The following LHFPL3 variants were observed in gnomAD, a reference collection of about 807,000 sequenced individuals.
LHFPL3 encodes LHFPL tetraspan subfamily member 3.
Under a neutral mutation model 19.3 loss-of-function variants are expected in LHFPL3, and 5 were observed. The ratio of observed to expected loss-of-function variants is 0.26; its 90% CI spans 0.14 to 0.54. The LOEUF (loss-of-function observed/expected upper bound fraction) is 0.54, where lower values mean the gene tolerates loss of function less well. Ranked by LOEUF, LHFPL3 falls within the 20% of genes least tolerant of loss-of-function variation. LHFPL3 has a pLI of 0.94. For missense variants in LHFPL3, 249 were observed against 307.4 expected (o/e 0.81, Z 1.42); for synonymous variants, 133 against 126.2 (o/e 1.05, Z -0.36).
intron 2 of LHFPL3, among the ~76,000 whole-genome samples, chr7:104,770,780 G>C (rs183477042): frequency 1.3e-5 from 2 of 152,226 alleles, no homozygotes; most frequent in African/African-American, 4.8e-5. Flanking sequence ...CAGATATGAA[G>C]CCTATTTTCC....
chr7:104,727,460 T>C (rs1415876304), intron 1 of LHFPL3, among the ~76,000 whole-genome samples: 1 of 152,134 alleles, frequency 6.6e-6, no homozygotes, highest in African/African-American at 2.4e-5. Context: ...AGCTTTGAGT[T>C]TTACATTTAA....
At chr7:104,676,105 A>T (rs1471849459) in intron 1 of LHFPL3, among the ~76,000 whole-genome samples, 1 of 152,224 alleles carries the variant, frequency 6.6e-6, no homozygotes, top group East Asian at 1.9e-4. Context: ...GAAGACTGAG[A>T]AGTATAGAAG....
intron 1 of LHFPL3, among the ~76,000 whole-genome samples, chr7:104,606,434 T>G (rs958266797): frequency 6.6e-6 from 1 of 152,254 alleles, no homozygotes; most frequent in African/African-American, 2.4e-5. Flanking sequence ...TGGGGCTGAC[T>G]AGTATTTGAA....
intron 1 of LHFPL3, among the ~76,000 whole-genome samples, chr7:104,485,684 T>A (rs545244287): frequency 6.6e-6 from 1 of 152,178 alleles, no homozygotes; most frequent in Non-Finnish European, 1.5e-5. Flanking sequence ...GTTTGTTACA[T>A]AGGTATACAT....
chr7:104,438,546 G>A (rs1443411007), intron 1 of LHFPL3, among the ~76,000 whole-genome samples: 1 of 152,110 alleles, frequency 6.6e-6, no homozygotes, highest in Admixed American at 6.5e-5. Flanking sequence ...AACTGATAAT[G>A]AAAATACAAC....
chr7:104,620,968 C>T (rs970077931), intron 1 of LHFPL3, among the ~76,000 whole-genome samples: 2 of 152,194 alleles, frequency 1.3e-5, no homozygotes, highest in Non-Finnish European at 2.9e-5. Context: ...TAAATCTCTA[C>T]CCTCTCTAGG....
chr7:104,410,474 T>G (rs1448586537), intron 1 of LHFPL3, among the ~76,000 whole-genome samples: 2 of 152,170 alleles, frequency 1.3e-5, no homozygotes, highest in African/African-American at 2.4e-5. Context: ...TCCTACCTAT[T>G]CCACAGGATT....
chr7:104,736,828 C>T lies in LHFPL3; in HGVS notation c.599C>T (p.Ala200Val). Residue 200 changes from alanine to valine, a missense_variant, in exon 2 of 3, where the codon GCC becomes GTC. Ala to Val is a moderately conservative substitution (Grantham distance 64, BLOSUM62 0). Transcript: ENST00000424859. ...YILAIIGILD[A>V]LILSFLAFVL... ...CTGGCTATTATTGGAATTTTGGATG[C>T]CCTGATCCTCTCATTTCTAGCATTT... 1.2e-6 allele frequency: 2 copies of T among 1,613,032 alleles called. No individual in the cohort carries two copies. The highest frequency in any genetic ancestry group is 2.2e-5 in the South Asian group (2 of 90,730).
chr7:104,857,667 C>T (rs1490685295), intron 2 of LHFPL3, among the ~76,000 whole-genome samples: 1 of 147,446 alleles, frequency 6.8e-6, no homozygotes, highest in Non-Finnish European at 1.5e-5. Context: ...TCAACCAAAA[C>T]CACTCCTGGG....
At chr7:104,480,325 C>T (rs2115654167) in intron 1 of LHFPL3, among the ~76,000 whole-genome samples, 1 of 151,850 alleles carries the variant, frequency 6.6e-6, no homozygotes, top group Non-Finnish European at 1.5e-5. Flanking sequence ...TCATAAATGA[C>T]ACCCCCCGTC....
chr7:104,746,472 A>G (rs1794048634), intron 2 of LHFPL3, among the ~76,000 whole-genome samples: 1 of 152,192 alleles, frequency 6.6e-6, no homozygotes, highest in South Asian at 2.1e-4. Context: ...CTGATGAAAA[A>G]GCCAAGGCGC....
intron 1 of LHFPL3, among the ~76,000 whole-genome samples, chr7:104,572,653 A>G (rs764944128): frequency 6.6e-6 from 1 of 152,192 alleles, no homozygotes; most frequent in Non-Finnish European, 1.5e-5. Context: ...CAAAGGTTCT[A>G]TAGTACTCTA....
chr7:104,353,714 G>A (rs578031389), intron 1 of LHFPL3, among the ~76,000 whole-genome samples: 1 of 152,292 alleles, frequency 6.6e-6, no homozygotes, highest in East Asian at 1.9e-4. Context: ...AACTCCAAGT[G>A]ATATTAGCCA....
intron 1 of LHFPL3, among the ~76,000 whole-genome samples, chr7:104,414,122 C>CT (rs1401441256): frequency 2.7e-5 from 4 of 150,124 alleles, no homozygotes; most frequent in East Asian, 1.9e-4. Context: ...CGCACAGAAG[C>CT]TTTTTTTTTC....
At chr7:104,536,464 T>A (rs1445703621) in intron 1 of LHFPL3, among the ~76,000 whole-genome samples, 1 of 152,170 alleles carries the variant, frequency 6.6e-6, no homozygotes, top group East Asian at 1.9e-4. Context: ...GGAACATCAT[T>A]TTCCCCCACG....
intron 2 of LHFPL3, among the ~76,000 whole-genome samples, chr7:104,831,392 T>C (rs1424694888): frequency 6.6e-6 from 1 of 152,036 alleles, no homozygotes; most frequent in Non-Finnish European, 1.5e-5. Context: ...ACTGAGTTTG[T>C]TTCTTTTGAA....
At chr7:104,846,612 T>C (rs779594006) in intron 2 of LHFPL3, among the ~76,000 whole-genome samples, 1 of 151,460 alleles carries the variant, frequency 6.6e-6, no homozygotes, top group Non-Finnish European at 1.5e-5. Context: ...TGGCAGAGCC[T>C]GGATTAAAAC....
intron 1 of LHFPL3, among the ~76,000 whole-genome samples, chr7:104,383,937 C>G (rs1040936474): frequency 1.3e-5 from 2 of 152,108 alleles, no homozygotes; most frequent in Non-Finnish European, 2.9e-5. Flanking sequence ...AGTGGCCTTC[C>G]CTCAGCTCTC....
At chr7:104,595,661 C>T (rs184185964) in intron 1 of LHFPL3, among the ~76,000 whole-genome samples, 1 of 152,382 alleles carries the variant, frequency 6.6e-6, no homozygotes, top group Admixed American at 6.5e-5. Flanking sequence ...CTATGCCCTA[C>T]CCACAGAGGT....
Sources: allele counts gnomAD v4.1 joint callset (sites outside exome capture counted in the v4.1 genomes callset), GRCh38; gene constraint gnomAD v4.1.1; transcripts MANE v1.5; gene names NCBI Gene and HGNC (gene_info 2026-07-23, HGNC 2026-07-21).